The following HGF variants were observed in gnomAD, a reference collection of about 807,000 sequenced individuals.
The protein encoded by HGF is hepatocyte growth factor.
HGF carries 39 observed loss-of-function variants against 111.6 expected under a neutral mutation model. The ratio of observed to expected loss-of-function variants is 0.35; its 90% CI spans 0.27 to 0.46. The LOEUF is 0.46. Ranked by LOEUF, HGF falls within the 20% of genes least tolerant of loss-of-function variation. The pLI, the probability that HGF is intolerant of heterozygous loss-of-function variation, is 1.00. For synonymous variants in HGF, 285 were observed against 294.8 expected (o/e 0.97, Z 0.34); for missense variants, 735 against 910.5 (o/e 0.81, Z 2.48).
intron 7 of HGF, chr7:81,743,030 T>C (rs1788072180): frequency 8.3e-7 from 1 of 1,200,914 alleles, no homozygotes; most frequent in Non-Finnish European, 1.2e-6. Flanking sequence ...CTAATGACTT[T>C]GTGATGCTGC....
chr7:81,754,542 A>G (rs1346418504), intron 4 of HGF, among the ~76,000 whole-genome samples: 1 of 151,990 alleles, frequency 6.6e-6, no homozygotes, highest in Non-Finnish European at 1.5e-5. Flanking sequence ...TATGGCCAAA[A>G]CACGAATAAA....
intron 6 of HGF, among the ~76,000 whole-genome samples, chr7:81,744,493 A>G (rs759092974): frequency 6.6e-6 from 1 of 152,148 alleles, no homozygotes; most frequent in Non-Finnish European, 1.5e-5. Context: ...TACTTATGTC[A>G]TGCTGTTATG....
chr7:81,760,504 G>A (rs1183999036), intron 2 of HGF, among the ~76,000 whole-genome samples: 1 of 152,142 alleles, frequency 6.6e-6, no homozygotes, highest in African/African-American at 2.4e-5. Context: ...TATTTTATAA[G>A]TGGTTTACGG....
rs888965220 is a variant in HGF at position 81,700,633 on chromosome 7, C to T, written c.*1948G>A. On this transcript the variant is annotated 3_prime_UTR_variant, in exon 18 of 18. Coordinates refer to ENST00000222390, the MANE Select transcript of HGF (RefSeq NM_000601.6). The stretch of plus-strand genomic sequence containing the variant: ...CAGCCAGAAGAAACTATGAAATATA[C>T]TTTATATTTTGGCAATATGCTCTTG... 2 of 151,350 alleles carry T rather than the reference C, an allele frequency of 1.3e-5. No individual in the cohort carries two copies. The highest frequency in any genetic ancestry group is 3.0e-5 in the Non-Finnish European group (2 of 67,614). 9.4% of individuals were successfully genotyped at this position (151,350 alleles called of 1,614,324 possible).
chr7:81,747,454 A>C (rs1190284413), intron 5 of HGF, among the ~76,000 whole-genome samples: 1 of 152,242 alleles, frequency 6.6e-6, no homozygotes, highest in Admixed American at 6.5e-5. Flanking sequence ...GGGACAAAAT[A>C]ACATAAAATC....
intron 11 of HGF, among the ~76,000 whole-genome samples, chr7:81,714,631 G>A (rs983353871): frequency 6.6e-6 from 1 of 151,538 alleles, no homozygotes; most frequent in Admixed American, 6.6e-5. Flanking sequence ...AATCATATAG[G>A]CACCTCTACA....
intron 5 of HGF, 149 bp downstream of exon 5, chr7:81,751,971 A>G: frequency 6.9e-7 from 1 of 1,443,300 alleles, no homozygotes; most frequent in Non-Finnish European, 9.1e-7. Flanking sequence ...AAAACATTGT[A>G]TAAAAATGTT....
At chr7:81,752,306 T>C (rs1562900945) in intron 4 of HGF, 44 bp from the exon 5 acceptor site, 2 of 1,538,538 alleles carry the variant, frequency 1.3e-6, no homozygotes, top group Admixed American at 1.7e-5. Context: ...AGCATGCAAC[T>C]TTTTTTTGCC....
chr7:81,743,017 C>A (rs2116016974), intron 7 of HGF: 1 of 1,354,702 alleles, frequency 7.4e-7, no homozygotes, highest in Non-Finnish European at 1.1e-6. Context: ...AGCTTTTACT[C>A]CCCTAATGAC....
At chr7:81,734,731 A>G (rs1445086235) in intron 7 of HGF, among the ~76,000 whole-genome samples, 2 of 152,126 alleles carry the variant, frequency 1.3e-5, no homozygotes, top group African/African-American at 2.4e-5. Flanking sequence ...ACTGGAGAGG[A>G]GGAGTGCATA....
chr7:81,729,578 T>C (rs1295607662), intron 8 of HGF, 27 bp downstream of exon 8: 1 of 1,568,098 alleles, frequency 6.4e-7, no homozygotes, highest in Non-Finnish European at 8.8e-7. Context: ...CCTACTGAAA[T>C]GTATAACATT....
chr7:81,760,810 A>T (rs1432829841), intron 2 of HGF, among the ~76,000 whole-genome samples: 1 of 151,986 alleles, frequency 6.6e-6, no homozygotes, highest in Non-Finnish European at 1.5e-5. Context: ...AGGTTGCCAT[A>T]AATTTGGAGA....
intron 1 of HGF, among the ~76,000 whole-genome samples, chr7:81,769,238 G>C (rs557528208): frequency 6.6e-6 from 1 of 152,302 alleles, no homozygotes; most frequent in Non-Finnish European, 1.5e-5. Context: ...GAAAGTGGGA[G>C]ACAGAGATGG....
At chr7:81,722,983 A>C (rs1164204112) in intron 9 of HGF, among the ~76,000 whole-genome samples, 2 of 151,984 alleles carry the variant, frequency 1.3e-5, no homozygotes, top group African/African-American at 4.8e-5. Flanking sequence ...TATATGAATG[A>C]AAACTGTACA....
At chr7:81,731,806 T>C (rs374156774) in intron 7 of HGF, among the ~76,000 whole-genome samples, 1 of 152,216 alleles carries the variant, frequency 6.6e-6, no homozygotes, top group African/African-American at 2.4e-5. Flanking sequence ...GAGACAAAAA[T>C]AAATGTCCTT....
chr7:81,749,941 G>A (rs893221291), intron 5 of HGF, among the ~76,000 whole-genome samples: 1 of 151,782 alleles, frequency 6.6e-6, no homozygotes, highest in African/African-American at 2.4e-5. Context: ...TGTTTTTCTT[G>A]TTTAATTTTA....
intron 1 of HGF, among the ~76,000 whole-genome samples, chr7:81,764,398 T>C (rs1789252024): frequency 6.6e-6 from 1 of 152,138 alleles, no homozygotes. Flanking sequence ...AATTTTGCTT[T>C]GCCTTACAGG....
chr7:81,720,649 A>G (rs1480208578), intron 10 of HGF, 96 bp downstream of exon 10: 1 of 750,986 alleles, frequency 1.3e-6, no homozygotes, highest in Non-Finnish European at 2.4e-6. Context: ...ACCATGATAT[A>G]TAAAAGAATA....
intron 7 of HGF, among the ~76,000 whole-genome samples, chr7:81,741,938 C>CAAA (rs71520767): frequency 0.015 from 639 of 43,928 alleles, 3 homozygotes; most frequent in East Asian, 0.017. Context: ...AACTCCATCT[C>CAAA]AAAAAAAAAA....
Sources: allele counts gnomAD v4.1 joint callset (sites outside exome capture counted in the v4.1 genomes callset), GRCh38; gene constraint gnomAD v4.1.1; transcripts MANE v1.5; gene names NCBI Gene and HGNC (gene_info 2026-07-23, HGNC 2026-07-21).